DAB1: variants seen among roughly 807,000 people sequenced by gnomAD.
DAB1 encodes DAB adaptor protein 1, also known as disabled homolog 1.
DAB1 carries 15 observed loss-of-function variants against 64.6 expected under a neutral mutation model. The observed-to-expected ratio is 0.23, with a 90% confidence interval of 0.16 to 0.36. The LOEUF (loss-of-function observed/expected upper bound fraction) is 0.36, where lower values mean the gene tolerates loss of function less well. Among genes scored for constraint, DAB1 ranks in the 10% least tolerant of loss-of-function variants. DAB1 has a pLI of 1.00. For synonymous variants in DAB1, 235 were observed against 251.9 expected (o/e 0.93, Z 0.64); for missense variants, 596 against 706.7 (o/e 0.84, Z 1.78).
At chr1:58,400,949 G>C (rs1644563922) in intron 3 of DAB1, among the ~76,000 whole-genome samples, 1 of 152,156 alleles carries the variant, frequency 6.6e-6, no homozygotes, top group South Asian at 2.1e-4. Flanking sequence ...AACAAGGACT[G>C]GGGGAGGCAG....
intron 5 of DAB1, among the ~76,000 whole-genome samples, chr1:57,914,748 T>G (rs1349837730): frequency 6.6e-6 from 1 of 152,184 alleles, no homozygotes; most frequent in Non-Finnish European, 1.5e-5. Context: ...ATAACAGAAA[T>G]GGGTGAATTT....
intron 5 of DAB1, among the ~76,000 whole-genome samples, chr1:57,964,740 T>C (rs1175826627): frequency 6.6e-6 from 1 of 152,176 alleles, no homozygotes; most frequent in Non-Finnish European, 1.5e-5. Context: ...GTCTTAGTTA[T>C]TTCTATAGTC....
At chr1:57,972,269 C>T (rs1401845186) in intron 5 of DAB1, among the ~76,000 whole-genome samples, 1 of 152,140 alleles carries the variant, frequency 6.6e-6, no homozygotes, top group Non-Finnish European at 1.5e-5. Flanking sequence ...CAGGGTTTCA[C>T]TCTGATGTCC....
chr1:58,404,814 T>G lies in DAB1; in HGVS notation n.258-61411A>C, dbSNP rs1644601571. 1.3e-5 allele frequency among the ~76,000 whole-genome samples: 2 copies of G among 152,206 alleles called. 1 individual carries two copies. Among genetic ancestry groups the G allele is most frequent in the Admixed American group, 1.3e-4 (2 of 15,284 alleles). Reference sequence around the variant, plus strand: ...AAGAGAAGAAACACTGTTAGCACAGTGCCCAGGAAACAGTCATGTCCAGGG... The same window carrying G: ...AAGAGAAGAAACACTGTTAGCACAGGGCCCAGGAAACAGTCATGTCCAGGG... On this transcript the variant is annotated intron_variant and non_coding_transcript_variant, in intron 3 of 20. Coordinates refer to the DAB1 transcript ENST00000485760.
At chr1:58,088,377 C>T (rs1001312174) in intron 5 of DAB1, among the ~76,000 whole-genome samples, 3 of 152,332 alleles carry the variant, frequency 2.0e-5, no homozygotes, top group African/African-American at 7.2e-5. Flanking sequence ...TACTTGGCAT[C>T]TGCTGTGTGC....
chr1:57,537,886 G>A (rs568494758), intron 7 of DAB1, among the ~76,000 whole-genome samples: 3 of 152,302 alleles, frequency 2.0e-5, no homozygotes, highest in African/African-American at 4.8e-5. Context: ...TCCATTCGTG[G>A]TGGAGGGTGA....
intron 3 of DAB1, among the ~76,000 whole-genome samples, chr1:58,466,823 C>T (rs1425385425): frequency 6.6e-6 from 1 of 152,186 alleles, no homozygotes; most frequent in Non-Finnish European, 1.5e-5. Context: ...GCAGGGGGAG[C>T]TGTGTTTGTG....
At chr1:57,138,333 G>A (rs988161831) in intron 3 of DAB1, among the ~76,000 whole-genome samples, 1 of 152,132 alleles carries the variant, frequency 6.6e-6, no homozygotes, top group African/African-American at 2.4e-5. Context: ...AGACAGCACA[G>A]GGAATTGGTC....
intron 4 of DAB1, among the ~76,000 whole-genome samples, chr1:58,219,365 C>A (rs1477254165): frequency 6.6e-6 from 1 of 152,172 alleles, no homozygotes; most frequent in African/African-American, 2.4e-5. Context: ...CATCTCCAAG[C>A]TGAGCTTCAT....
chr1:58,133,405 C>T (rs1021429073), intron 5 of DAB1, among the ~76,000 whole-genome samples: 3 of 152,116 alleles, frequency 2.0e-5, no homozygotes, highest in African/African-American at 7.2e-5. Flanking sequence ...GTTTGGATGC[C>T]CCTCCTTGGA....
At chr1:57,082,943 G>T (rs1039977354) in intron 4 of DAB1, among the ~76,000 whole-genome samples, 5 of 152,156 alleles carry the variant, frequency 3.3e-5, no homozygotes, top group Non-Finnish European at 5.9e-5. Context: ...GAAACAATTT[G>T]TACTCCTGAC....
intron 1 of DAB1, among the ~76,000 whole-genome samples, chr1:57,297,621 G>A (rs1243420088): frequency 1.3e-5 from 2 of 152,092 alleles, no homozygotes; most frequent in South Asian, 2.1e-4. Flanking sequence ...TAAGTAAAGG[G>A]CATTGGGTGT....
At chr1:58,425,942 G>T (rs724565) in intron 3 of DAB1, among the ~76,000 whole-genome samples, 47,266 of 151,708 alleles carry the variant, frequency 0.31, 8,102 homozygotes, top group African/African-American at 0.45. Flanking sequence ...GGTGGTGGAA[G>T]GTAGGGTTAG....
intron 6 of DAB1, among the ~76,000 whole-genome samples, chr1:57,672,092 C>T (rs1238409155): frequency 6.6e-6 from 1 of 152,070 alleles, no homozygotes; most frequent in African/African-American, 2.4e-5. Flanking sequence ...CCCCATTTTA[C>T]AGATGAAAGG....
At chr1:58,238,930 G>A (rs977031414) in intron 4 of DAB1, among the ~76,000 whole-genome samples, 1 of 152,094 alleles carries the variant, frequency 6.6e-6, no homozygotes, top group Admixed American at 6.5e-5. Context: ...GTTAAAAGAA[G>A]GTATATACCA....
chr1:58,424,502 A>C (rs888392703), intron 3 of DAB1, among the ~76,000 whole-genome samples: 11 of 152,218 alleles, frequency 7.2e-5, no homozygotes, highest in South Asian at 2.1e-4. Flanking sequence ...TGGCTCCCAC[A>C]TAGTGCAATC....
At chr1:57,634,847 G>T (rs1646032206) in intron 7 of DAB1, among the ~76,000 whole-genome samples, 1 of 152,130 alleles carries the variant, frequency 6.6e-6, no homozygotes, top group African/African-American at 2.4e-5. Flanking sequence ...GTTAAACAAG[G>T]TACAGATTAT....
intron 6 of DAB1, among the ~76,000 whole-genome samples, chr1:57,773,259 G>GTATA (rs140129409): frequency 2.0e-5 from 3 of 151,652 alleles, no homozygotes; most frequent in African/African-American, 7.3e-5. Context: ...TTACATGTGT[G>GTATA]TATATATATA....
chr1:58,501,351 A>G (rs1267332024), intron 3 of DAB1, among the ~76,000 whole-genome samples: 1 of 152,228 alleles, frequency 6.6e-6, no homozygotes, highest in African/African-American at 2.4e-5. Flanking sequence ...ATCCAAAATT[A>G]TATTATGGTA....
Sources: gnomAD v4.1 joint callset for allele counts (sites outside exome capture counted in the v4.1 genomes callset) on GRCh38, gnomAD v4.1.1 for gene constraint, MANE v1.5 for transcripts, NCBI Gene and HGNC (gene_info 2026-07-23, HGNC 2026-07-21) for gene names.